SDHA: variants seen among roughly 807,000 people sequenced by gnomAD.
SDHA encodes succinate dehydrogenase [ubiquinone] flavoprotein subunit, mitochondrial.
In SDHA, 48 loss-of-function variants were observed where a neutral mutation model predicts 78.4. The ratio of observed to expected loss-of-function variants is 0.61; its 90% CI spans 0.49 to 0.78. The LOEUF is 0.78. Ranked by LOEUF, SDHA falls within the 30% of genes least tolerant of loss-of-function variation. The pLI, the probability that SDHA is intolerant of heterozygous loss-of-function variation, is 0.00. For synonymous variants in SDHA, 326 were observed against 353.9 expected, an observed-to-expected ratio of 0.92 and a Z score of 0.88; for missense variants, 680 against 892.7, an observed-to-expected ratio of 0.76 and a Z score of 3.04.
At chr5:258,332 CAG>C (rs1491156548), downstream of SDHA, among the ~76,000 whole-genome samples, 1 of 119,766 alleles carries the variant, frequency 8.3e-6, no homozygotes, top group Non-Finnish European at 1.6e-5. Context: ...GCCCCCCTGT[CAG>C]AGCATTAGTG....
At chr5:240,563 G>A in intron 11 of SDHA, 87 bp downstream of exon 11, 1 of 845,786 alleles carries the variant, frequency 1.2e-6, no homozygotes. Flanking sequence ...CTAGATCTAG[G>A]GGGATGCAGG....
intron 10 of SDHA, among the ~76,000 whole-genome samples, chr5:239,833 G>A (rs1360877138): frequency 6.6e-6 from 1 of 150,962 alleles, no homozygotes; most frequent in Non-Finnish European, 1.5e-5. Flanking sequence ...GCAGTGGCGC[G>A]ATCTCGGCTC....
At position 224,359 on chromosome 5, in the gene SDHA, G is replaced by C. The variant is rs1458851277; in HGVS notation, c.151-1G>C. 2 of 1,613,066 alleles carry C rather than the reference G, an allele frequency of 1.2e-6. No individual in the cohort carries two copies. The highest frequency in any genetic ancestry group is 1.1e-5 in the South Asian group (1 of 91,028). ...TTGACAGGTGAATTTTTCTTTTCCA[G>C]ATTTCTGCTCAGTATCCAGTAGTGG... On this transcript the variant is annotated splice_acceptor_variant, in intron 2 of 14. Transcript: ENST00000264932. LOFTEE classifies it high-confidence loss of function.
intron 1 of SDHA, among the ~76,000 whole-genome samples, chr5:222,350 CTT>C (rs750198454): frequency 1.8e-4 from 25 of 135,336 alleles, no homozygotes; most frequent in South Asian, 2.3e-4. Context: ...TTTTTCTTTT[CTT>C]TTTTTTTTTT....
the SDHA span, among the ~76,000 whole-genome samples, chr5:265,688 T>C: frequency 6.6e-6 from 1 of 152,142 alleles, no homozygotes; most frequent in East Asian, 1.9e-4. Context: ...GGCATGATGG[T>C]GGGTGCATGT....
At chr5:230,074 A>G (rs1735296845) in intron 6 of SDHA, among the ~76,000 whole-genome samples, 1 of 152,138 alleles carries the variant, frequency 6.6e-6, no homozygotes, top group South Asian at 2.1e-4. Context: ...ATTTGCGAAG[A>G]TAGTAGACGT....
At chr5:232,640 A>G (rs1735482800) in intron 7 of SDHA, among the ~76,000 whole-genome samples, 1 of 151,904 alleles carries the variant, frequency 6.6e-6, no homozygotes, top group Non-Finnish European at 1.5e-5. Flanking sequence ...AGAAGTAACC[A>G]CAGAAAAAAG....
chr5:266,061 C>A, the SDHA span, among the ~76,000 whole-genome samples: 1 of 96,880 alleles, frequency 1.0e-5, no homozygotes, highest in South Asian at 2.4e-4. Flanking sequence ...CCAGATCTTC[C>A]GGTTCAGTCC....
intron 7 of SDHA, among the ~76,000 whole-genome samples, chr5:233,154 G>A (rs1447886689): frequency 1.3e-5 from 2 of 152,160 alleles, no homozygotes; most frequent in Non-Finnish European, 2.9e-5. Context: ...GCAAAAGAAT[G>A]TTCAAAAATT....
At chr5:242,728 G>A (rs1392100995) in intron 11 of SDHA, among the ~76,000 whole-genome samples, 1 of 152,178 alleles carries the variant, frequency 6.6e-6, no homozygotes, top group African/African-American at 2.4e-5. Flanking sequence ...AACTAAGCTG[G>A]AGGACACCTG....
At chr5:253,112 C>A (rs757833240) in intron 13 of SDHA, 1 of 152,206 alleles carries the variant, frequency 6.6e-6, no homozygotes, top group Non-Finnish European at 1.5e-5. Flanking sequence ...TAGCAAAAAA[C>A]GACGGAAAGG....
chr5:258,837 A>G (rs1737378262), downstream of SDHA, among the ~76,000 whole-genome samples: 1 of 75,490 alleles, frequency 1.3e-5, no homozygotes, highest in Non-Finnish European at 2.4e-5. Context: ...GCCCCCTGCC[A>G]GAGCATTACT....
intron 6 of SDHA, 90 bp from the exon 7 acceptor site, chr5:230,786 G>C (rs747262841): frequency 1.9e-6 from 3 of 1,557,934 alleles, no homozygotes; most frequent in South Asian, 1.1e-5. Flanking sequence ...AGACGGTGCT[G>C]GGGGCTGCCG....
At chr5:254,065 AAAC>A (rs1230756777) in intron 13 of SDHA, among the ~76,000 whole-genome samples, 4 of 149,350 alleles carry the variant, frequency 2.7e-5, no homozygotes, top group African/African-American at 7.5e-5. Flanking sequence ...TTTTTAATAA[AAAC>A]AGGCTGAAAG....
intron 4 of SDHA, 92 bp from the exon 5 acceptor site, chr5:225,791 G>T: frequency 1.3e-6 from 2 of 1,539,476 alleles, no homozygotes; most frequent in Non-Finnish European, 1.8e-6. Flanking sequence ...TGGGTTTGCA[G>T]ATTTGTGTTA....
Position 236,603 on chromosome 5 carries a change from A to G in SDHA, c.1432+4A>G, listed in dbSNP as rs1553999798. On this transcript the variant is annotated splice_donor_region_variant and intron_variant, in intron 10 of 14. Transcript: ENST00000264932. ...ATCGAAGAGTCATGCAGGCCTGGTA[A>G]GTGTTTTCTTCAGGAGCCAGACTAT... 6.2e-7 allele frequency: 1 copy of G among 1,613,762 alleles called. No homozygotes were observed. The highest frequency in any genetic ancestry group is 8.5e-7 in the Non-Finnish European group (1 of 1,179,666).
At chr5:238,987 A>G (rs1735957997) in intron 10 of SDHA, among the ~76,000 whole-genome samples, 1 of 151,692 alleles carries the variant, frequency 6.6e-6, no homozygotes, top group African/African-American at 2.4e-5. Context: ...AGTAAATTGT[A>G]GAACTGTCCA....
At chr5:260,781 G>A (rs1398934066), downstream of SDHA, among the ~76,000 whole-genome samples, 1 of 10,542 alleles carries the variant, frequency 9.5e-5, no homozygotes, top group Admixed American at 7.6e-4. Flanking sequence ...TCCGCCTCCC[G>A]ACAGAGCATT....
downstream of SDHA, among the ~76,000 whole-genome samples, chr5:258,692 G>A (rs1737371420): frequency 8.9e-6 from 1 of 112,450 alleles, no homozygotes; most frequent in African/African-American, 5.5e-5. Context: ...ATTACCGTGT[G>A]AGCTCCGCCT....
Sources: gnomAD v4.1 joint callset for allele counts (sites outside exome capture counted in the v4.1 genomes callset) on GRCh38, gnomAD v4.1.1 for gene constraint, MANE v1.5 for transcripts, NCBI Gene and HGNC (gene_info 2026-07-23, HGNC 2026-07-21) for gene names.